The following SGCD variants were observed in gnomAD, a reference collection of about 807,000 sequenced individuals.
SGCD encodes the protein sarcoglycan delta.
SGCD carries 18 observed loss-of-function variants against 36.6 expected under a neutral mutation model. That is an observed-to-expected ratio of 0.49 (90% confidence interval 0.34 to 0.73). The LOEUF (loss-of-function observed/expected upper bound fraction) is 0.73. Among genes scored for constraint, SGCD ranks in the 30% least tolerant of loss-of-function variants. The pLI, the probability that SGCD is intolerant of heterozygous loss-of-function variation, is 0.01. For missense variants in SGCD, 387 were observed against 346.7 expected (o/e 1.12, Z -0.92); for synonymous variants, 133 against 130.6 (o/e 1.02, Z -0.12).
chr5:156,393,762 C>T (rs138448674), intron 3 of SGCD: 1 of 456,320 alleles, frequency 2.2e-6, no homozygotes, highest in African/African-American at 2.0e-5. Context: ...GAGCATCCAT[C>T]TGCTTCTGAG....
intron 3 of SGCD, among the ~76,000 whole-genome samples, chr5:156,359,029 G>T (rs1466743429): frequency 6.6e-6 from 1 of 152,040 alleles, no homozygotes; most frequent in East Asian, 1.9e-4. Context: ...GAAGCTAAAA[G>T]GGAAGAGAAA....
intron 3 of SGCD, among the ~76,000 whole-genome samples, chr5:156,490,577 G>A (rs139747731): frequency 6.6e-6 from 1 of 151,628 alleles, no homozygotes; most frequent in East Asian, 1.9e-4. Context: ...ATGCAGTACA[G>A]TACATCAACA....
chr5:156,557,048 G>A (rs1759053137), intron 4 of SGCD, among the ~76,000 whole-genome samples: 1 of 152,116 alleles, frequency 6.6e-6, no homozygotes, highest in African/African-American at 2.4e-5. Context: ...CCTGGCTTTT[G>A]AGGACTAGTG....
intron 6 of SGCD, among the ~76,000 whole-genome samples, chr5:156,608,028 G>T (rs1405530759): frequency 6.6e-5 from 10 of 151,964 alleles, no homozygotes; most frequent in East Asian, 1.9e-4. Context: ...AAGGGTTTTT[G>T]GTGTCTCTAT....
the SGCD span, among the ~76,000 whole-genome samples, chr5:155,820,804 T>A: frequency 6.6e-6 from 1 of 152,138 alleles, no homozygotes; most frequent in South Asian, 2.1e-4. Flanking sequence ...ACATTTATAT[T>A]CCAAGTGACC....
chr5:156,037,546 T>C (rs1324153621), intron 1 of SGCD, among the ~76,000 whole-genome samples: 1 of 152,196 alleles, frequency 6.6e-6, no homozygotes, highest in African/African-American at 2.4e-5. Context: ...ACAAACTTAT[T>C]TAGGACACAT....
At chr5:156,590,740 C>CTTTTTTTTTTTTTTT (rs547851183) in intron 5 of SGCD, among the ~76,000 whole-genome samples, 1 of 150,774 alleles carries the variant, frequency 6.6e-6, no homozygotes, top group African/African-American at 2.4e-5. Flanking sequence ...GAGTCAGTCT[C>CTTTTTTTTTTTTTTT]TTTTTTTCCC....
chr5:156,639,237 T>C (rs1762941417), intron 6 of SGCD, among the ~76,000 whole-genome samples: 1 of 152,184 alleles, frequency 6.6e-6, no homozygotes, highest in Admixed American at 6.5e-5. Context: ...GAAGTACTAC[T>C]ATTATTCCCA....
rs1330398244 is a variant in SGCD at position 156,558,088 on chromosome 5, A to AATGTATATATATAT, written c.295-31141_295-31140insGTATATATATATAT. Reference sequence around the variant, plus strand: ...ACTGAGTGTGTTATTAGTAAATACAAATATATATATATATATATATATATA... The same window carrying AATGTATATATATAT: ...ACTGAGTGTGTTATTAGTAAATACAAATGTATATATATATATATATATATATATATATATATATA... On this transcript the variant is annotated intron_variant, in intron 4 of 8. Coordinates refer to ENST00000337851, the MANE Select transcript of SGCD (RefSeq NM_000337.6). 1.4e-3 allele frequency among the ~76,000 whole-genome samples: 136 copies of AATGTATATATATAT among 95,570 alleles called. 2 individuals are homozygous for AATGTATATATATAT. Among genetic ancestry groups the AATGTATATATATAT allele is most frequent in the African/African-American group, 5.2e-3 (133 of 25,334 alleles). 62.7% of individuals were successfully genotyped at this position (95,570 alleles called of 152,430 possible).
intron 1 of SGCD, among the ~76,000 whole-genome samples, chr5:155,886,326 G>A (rs1230509692): frequency 1.3e-5 from 2 of 152,096 alleles, no homozygotes; most frequent in African/African-American, 4.8e-5. Flanking sequence ...TACGCCAAAA[G>A]GAACTCCTCA....
intron 1 of SGCD, among the ~76,000 whole-genome samples, chr5:155,893,730 T>C (rs1756185905): frequency 6.6e-6 from 1 of 152,254 alleles, no homozygotes; most frequent in Non-Finnish European, 1.5e-5. Context: ...GGCACAGTCA[T>C]GTGCCACTTA....
Position 156,163,422 on chromosome 5 carries a change from G to A in SGCD, c.-44+39403G>A, listed in dbSNP as rs116547434. Among the ~76,000 whole-genome samples the A allele has an allele frequency of 1.8e-4, 27 of 151,614 alleles. 2 individuals are homozygous for A. Among genetic ancestry groups the A allele is most frequent in the African/African-American group, 5.9e-4 (24 of 40,986 alleles). ...TCTGATGTACTTTGTCTCAAAGTCC[G>A]TTAACAGACACCACCATTAACCACA... On this transcript the variant is annotated intron_variant, in intron 3 of 9. Coordinates refer to the SGCD transcript ENST00000517913.
intron 7 of SGCD, among the ~76,000 whole-genome samples, chr5:156,674,039 T>A (rs1435760646): frequency 1.3e-5 from 2 of 152,184 alleles, no homozygotes; most frequent in African/African-American, 4.8e-5. Flanking sequence ...TGCAGATGTA[T>A]GTATTAATAG....
chr5:156,744,185 A>G (rs545933875), intron 7 of SGCD, among the ~76,000 whole-genome samples: 59 of 152,234 alleles, frequency 3.9e-4, no homozygotes, highest in African/African-American at 1.4e-3. Context: ...TCCCTGTTTT[A>G]TTTTTATTTT....
intron 3 of SGCD, among the ~76,000 whole-genome samples, chr5:156,379,012 T>G (rs1310670367): frequency 6.6e-6 from 1 of 152,190 alleles, no homozygotes; most frequent in Non-Finnish European, 1.5e-5. Context: ...CTACTTCCAT[T>G]TCATCTACTT....
intron 1 of SGCD, among the ~76,000 whole-genome samples, chr5:156,329,214 T>C (rs758887077): frequency 6.6e-6 from 1 of 151,968 alleles, no homozygotes; most frequent in Non-Finnish European, 1.5e-5. Flanking sequence ...GGGAGAGGAA[T>C]GGCCACAACA....
Position 156,463,301 on chromosome 5 carries a change from C to G in SGCD, c.193-45300C>G, listed in dbSNP as rs928414436. Among the ~76,000 whole-genome samples, 13 of 152,090 alleles carry G rather than the reference C, an allele frequency of 8.5e-5. 1 individual carries two copies. Among genetic ancestry groups the G allele is most frequent in the Admixed American group, 6.5e-4 (10 of 15,268 alleles). On this transcript the variant is annotated intron_variant, in intron 3 of 8. Transcript: ENST00000337851. The stretch of plus-strand genomic sequence containing the variant: ...TTGTGATCTGCCTTCCTTGGCCTCC[C>G]CAAGTGCTGGGATTACAGACATGAG...
chr5:156,012,627 T>TA (rs935885105), intron 1 of SGCD, among the ~76,000 whole-genome samples: 1 of 151,864 alleles, frequency 6.6e-6, no homozygotes, highest in Non-Finnish European at 1.5e-5. Context: ...TTTTTTTTTT[T>TA]TTTGAGAGGG....
At chr5:155,929,020 C>A (rs1757049373) in intron 1 of SGCD, among the ~76,000 whole-genome samples, 1 of 152,084 alleles carries the variant, frequency 6.6e-6, no homozygotes, top group Non-Finnish European at 1.5e-5. Flanking sequence ...CATTATAATA[C>A]TTTCAAACAA....
Sources: gnomAD v4.1 joint callset for allele counts (sites outside exome capture counted in the v4.1 genomes callset) on GRCh38, gnomAD v4.1.1 for gene constraint, MANE v1.5 for transcripts, NCBI Gene and HGNC (gene_info 2026-07-23, HGNC 2026-07-21) for gene names.